Variants in PER3 observed in about 807,000 individuals in gnomAD.
PER3 encodes the protein period circadian regulator 3.
A neutral mutation model predicts 127.2 loss-of-function variants in PER3; 107 were observed. The ratio of observed to expected loss-of-function variants is 0.84; its 90% CI spans 0.72 to 0.99. The LOEUF (loss-of-function observed/expected upper bound fraction) is 0.99. Ranked by LOEUF, PER3 falls within the 50% of genes least tolerant of loss-of-function variation. The probability of loss-of-function intolerance (pLI) is 0.00; values close to 1 mark genes in which losing one functional copy is unlikely to be tolerated. For missense variants in PER3, 1,560 were observed against 1,525.8 expected, an observed-to-expected ratio of 1.02 and a Z score of -0.37; for synonymous variants, 618 against 585.8, an observed-to-expected ratio of 1.05 and a Z score of -0.79.
At chr1:7,838,400 T>A (rs948924649) in intron 21 of PER3, among the ~76,000 whole-genome samples, 1 of 152,088 alleles carries the variant, frequency 6.6e-6, no homozygotes, top group Non-Finnish European at 1.5e-5. Flanking sequence ...CAACCACTGG[T>A]CTACTTTCTC....
In PER3 at chr1:7,820,510, A is replaced by G; in HGVS notation, c.1827A>G (p.Thr609=). 1 of 1,614,048 alleles carries G rather than the reference A, an allele frequency of 6.2e-7. No homozygotes were observed. Among genetic ancestry groups the G allele is most frequent in the Non-Finnish European group, 8.5e-7 (1 of 1,179,988 alleles). Reference sequence around the variant, plus strand: ...CCATACCTAAATCAGAAATGCCAACAAATGGACGGTCCATAGACACAGGAG... The same window carrying G: ...CCATACCTAAATCAGAAATGCCAACGAATGGACGGTCCATAGACACAGGAG... The part of the protein sequence containing the change: ...IPAIPKSEMP[T]NGRSIDTGGG... The change falls in exon 16 of 22, where the codon ACA becomes ACG. Residue 609 remains threonine (T), a synonymous_variant. Transcript: ENST00000377532.
intron 16 of PER3, among the ~76,000 whole-genome samples, chr1:7,822,987 T>C (rs2097284321): frequency 6.6e-6 from 1 of 152,100 alleles, no homozygotes; most frequent in Non-Finnish European, 1.5e-5. Flanking sequence ...TGAGCCTAGC[T>C]TGAGCTCATC....
At chr1:7,793,741 C>G (rs2097132251) in intron 5 of PER3, among the ~76,000 whole-genome samples, 1 of 152,146 alleles carries the variant, frequency 6.6e-6, no homozygotes, top group Admixed American at 6.5e-5. Flanking sequence ...ACTGTTATAC[C>G]TGAGGTTCAC....
At position 7,820,577 on chromosome 1, in the gene PER3, G is replaced by A. The variant is rs1280163411; in HGVS notation, c.1894G>A (p.Gly632Arg). 1.9e-6 allele frequency: 3 copies of A among 1,614,080 alleles called. No homozygotes were observed. Among genetic ancestry groups the A allele is most frequent in the Non-Finnish European group, 2.5e-6 (3 of 1,180,004 alleles). Reference sequence around the variant, plus strand: ...CCTGTCCACGGCGATGCTGAGCTTGGGGTCGGGCATAAGCCAATGCGGTTA... The same window carrying A: ...CCTGTCCACGGCGATGCTGAGCTTGAGGTCGGGCATAAGCCAATGCGGTTA... ...QILSTAMLSLGSGISQCGYSS... is the reference protein window; with the variant it reads ...QILSTAMLSLRSGISQCGYSS... The change falls in exon 16 of 22, where the codon GGG becomes AGG. Residue 632 changes from glycine (G) to arginine (R), a missense_variant. By Grantham distance (125) the Gly-to-Arg change is moderately radical. Coordinates refer to ENST00000377532, the MANE Select transcript of PER3 (RefSeq NM_001377275.1).
At position 7,801,160 on chromosome 1, in the gene PER3, C is replaced by G. The variant is rs894102907; in HGVS notation, c.841C>G (p.Pro281Ala). 1 of 1,604,298 alleles carries G rather than the reference C, an allele frequency of 6.2e-7. No individual in the cohort carries two copies. The highest frequency in any genetic ancestry group is 8.5e-7 in the Non-Finnish European group (1 of 1,174,688). ...AAGAATCTTCACCACCACACACACC[C>G]CAGGGTGTGTTTTTCTTGAAGTAGA... is the stretch of plus-strand genomic sequence containing the variant. ...NKRIFTTTHT[P>A]GCVFLEVDEK... The change falls in exon 8 of 22, where the codon CCA becomes GCA. Residue 281 changes from proline to alanine, a missense_variant. By Grantham distance (27) the Pro-to-Ala change is conservative. Coordinates refer to ENST00000377532, the MANE Select transcript of PER3 (RefSeq NM_001377275.1).
rs1291952223 is a variant in PER3, at chr1:7,835,876, A to G, written c.3329A>G (p.Glu1110Gly). The change falls in exon 20 of 22, where the codon GAA becomes GGA. Residue 1110 changes from glutamate to glycine, a missense_variant. By Grantham distance (98) the Glu-to-Gly change is moderately conservative (BLOSUM62 -2). Coordinates refer to ENST00000377532, the MANE Select transcript of PER3 (RefSeq NM_001377275.1). ...AAAGAAACATTTCCTAATGTCGCCG[A>G]AGAGCCCATCTGGAGAATGATACGG... ...QKKETFPNVA[E>G]EPIWRMIRQT... 3 of 1,611,908 alleles carry G rather than the reference A, an allele frequency of 1.9e-6. No homozygotes were observed. The highest frequency in any genetic ancestry group is 2.5e-6 in the Non-Finnish European group (3 of 1,178,014).
intron 13 of PER3, among the ~76,000 whole-genome samples, chr1:7,817,203 A>T (rs1223890348): frequency 6.6e-6 from 1 of 152,200 alleles, no homozygotes; most frequent in Non-Finnish European, 1.5e-5. Flanking sequence ...TTTTTAAGTC[A>T]TGGAAATGTT....
chr1:7,843,576 A>G lies in PER3; in HGVS notation c.*821A>G, dbSNP rs2097400454. 6.6e-6 allele frequency: 1 copy of G among 152,574 alleles called. No individual in the cohort carries two copies. The highest frequency in any genetic ancestry group is 6.5e-5 in the Admixed American group (1 of 15,288). 9.5% of individuals were successfully genotyped at this position (152,574 alleles called of 1,614,324 possible). The stretch of plus-strand genomic sequence containing the variant: ...ATGTTTTACAAGTAATGTAAAAGCT[A>G]GTATCATTCTTACATACTTCTGTGT... On this transcript the variant is annotated 3_prime_UTR_variant, in exon 22 of 22. Coordinates refer to ENST00000377532, the MANE Select transcript of PER3 (RefSeq NM_001377275.1).
Position 7,820,118 on chromosome 1 carries a change from C to T in PER3, c.1662C>T (p.Tyr554=). ...QINCIDSVIR[Y]LKSYNIPALK... ...TGGCCTAATTATGTTGTTACAGATA[C>T]CTGAAGAGCTACAACATTCCAGCTT... The change falls in exon 15 of 22, where the codon TAC becomes TAT. Residue 554 remains tyrosine, a synonymous_variant. Transcript: ENST00000377532. The T allele has an allele frequency of 6.2e-7, 1 of 1,613,118 alleles. No homozygotes were observed. The highest frequency in any genetic ancestry group is 8.5e-7 in the Non-Finnish European group (1 of 1,179,522).
chr1:7,797,228 C>T (rs2097149584), intron 6 of PER3, among the ~76,000 whole-genome samples: 2 of 151,850 alleles, frequency 1.3e-5, no homozygotes, highest in Non-Finnish European at 2.9e-5. Flanking sequence ...GTCGGCAGCA[C>T]CGGGACACAG....
At chr1:7,797,706 A>G (rs1007382837) in intron 6 of PER3, among the ~76,000 whole-genome samples, 8 of 152,100 alleles carry the variant, frequency 5.3e-5, no homozygotes, top group African/African-American at 1.9e-4. Flanking sequence ...TGGCAGTACT[A>G]AAGAGCCCCT....
At chr1:7,809,747 T>C (rs1181218912) in intron 11 of PER3, 146 bp from the exon 12 acceptor site, 3 of 682,322 alleles carry the variant, frequency 4.4e-6, no homozygotes, top group South Asian at 2.2e-5. Context: ...CGTGTCAGCA[T>C]CAGCATTAAA....
rs1463938320 is a variant in PER3 at position 7,835,832 on chromosome 1, A to G, written c.3285A>G (p.Gln1095=). ...CTAAAATCTCCCAAAATGGGCAGCA[A>G]TCTCAGGACGTACAGAAAAAAGAAA... is the stretch of plus-strand genomic sequence containing the variant. The part of the protein sequence containing the change: ...YSSKISQNGQ[Q]SQDVQKKETF... The change falls in exon 20 of 22, where the codon CAA becomes CAG. Residue 1095 remains glutamine, a synonymous_variant. Transcript: ENST00000377532. 2 of 1,612,402 alleles carry G rather than the reference A, an allele frequency of 1.2e-6. No homozygotes were observed. Among genetic ancestry groups the G allele is most frequent in the East Asian group, 2.2e-5 (1 of 44,878 alleles).
At chr1:7,825,891 C>CAAAA (rs33950591) in intron 16 of PER3, among the ~76,000 whole-genome samples, 4 of 141,122 alleles carry the variant, frequency 2.8e-5, no homozygotes, top group Admixed American at 2.8e-4. Flanking sequence ...AACTCCATCT[C>CAAAA]AAAAAAAAAA....
chr1:7,829,171 A>C (rs978402327), intron 18 of PER3, among the ~76,000 whole-genome samples: 2 of 152,224 alleles, frequency 1.3e-5, no homozygotes, highest in African/African-American at 4.8e-5. Flanking sequence ...GATGCCGGAA[A>C]CCGTGGGTAG....
At chr1:7,796,068 G>A (rs1234284349) in intron 6 of PER3, among the ~76,000 whole-genome samples, 2 of 152,170 alleles carry the variant, frequency 1.3e-5, no homozygotes, top group African/African-American at 4.8e-5. Flanking sequence ...CTGTACCCTT[G>A]TGAGAGTGCC....
chr1:7,837,567 A>T (rs995824015), intron 21 of PER3, among the ~76,000 whole-genome samples: 8 of 152,250 alleles, frequency 5.3e-5, no homozygotes, highest in African/African-American at 1.9e-4. Context: ...TATTCATACT[A>T]AGCAGAAACT....
intron 11 of PER3, 113 bp from the exon 12 acceptor site, chr1:7,809,780 A>G (rs2097210946): frequency 9.9e-7 from 1 of 1,011,642 alleles, no homozygotes; most frequent in African/African-American, 1.6e-5. Context: ...CACACACCTA[A>G]TTTAGTATTT....
chr1:7,842,056 C>T (rs1156807703), intron 21 of PER3, among the ~76,000 whole-genome samples: 1 of 152,148 alleles, frequency 6.6e-6, no homozygotes, highest in Non-Finnish European at 1.5e-5. Flanking sequence ...CGTTGTAACA[C>T]AGTGTTACTT....
Sources: gnomAD v4.1 joint callset for allele counts (sites outside exome capture counted in the v4.1 genomes callset) on GRCh38, gnomAD v4.1.1 for gene constraint, MANE v1.5 for transcripts, NCBI Gene and HGNC (gene_info 2026-07-23, HGNC 2026-07-21) for gene names.